The following ZNF43 variants were observed in gnomAD, a reference collection of about 807,000 sequenced individuals.
ZNF43 encodes zinc finger protein 39-like 1 (KOX 27).
ZNF43 carries 44 observed loss-of-function variants against 68.4 expected under a neutral mutation model. The ratio of observed to expected loss-of-function variants is 0.64; its 90% confidence interval spans 0.51 to 0.83. The LOEUF is 0.83. Ranked by LOEUF, ZNF43 falls within the 40% of genes least tolerant of loss-of-function variation. ZNF43 has a pLI of 0.00. For missense variants in ZNF43, 896 were observed against 933.2 expected (o/e 0.96, Z 0.52); for synonymous variants, 308 against 307.8 (o/e 1.00, Z -0.01).
chr19:21,851,875 C>A, intron 1 of ZNF43: 1 of 1,561,890 alleles, frequency 6.4e-7, no homozygotes. Context: ...CTGCTCTCCC[C>A]TCTCGGGATG....
Position 21,807,497 on chromosome 19 carries a change from C to G in ZNF43, c.*110G>C. The G allele has an allele frequency of 9.5e-7, 1 of 1,053,042 alleles. No individual in the cohort carries two copies. The highest frequency in any genetic ancestry group is 1.3e-6 in the Non-Finnish European group (1 of 762,192). The allele number at this position is 1,053,042 out of a possible 1,614,324, so 65.2% of individuals were successfully genotyped here. On this transcript the variant is annotated 3_prime_UTR_variant, in exon 4 of 4. Transcript: ENST00000354959. ...TAAAAGTTTTGCCACATTCTTCACA[C>G]TTGTAGAAGTTTACTCCAATGTAAA...
upstream of ZNF43, among the ~76,000 whole-genome samples, chr19:21,838,258 G>A (rs558155366): frequency 6.6e-6 from 1 of 152,152 alleles, no homozygotes; most frequent in East Asian, 1.9e-4. Flanking sequence ...CTTTTCTAGT[G>A]GCTTAGTAAT....
rs1599479172 is a variant in ZNF43, at chr19:21,820,570, T to A, written c.4-1349A>T. ...TATAGCCTGGGTGACAGAGAAAGACTCTGTCTCAAAAAAAAAAAGAAAGAA... is the reference window on the plus strand; with the variant it reads ...TATAGCCTGGGTGACAGAGAAAGACACTGTCTCAAAAAAAAAAAGAAAGAA... On this transcript the variant is annotated intron_variant, in intron 1 of 3. Transcript: ENST00000354959. 4.7e-5 allele frequency among the ~76,000 whole-genome samples: 7 copies of A among 148,246 alleles called. No individual in the cohort carries two copies. In the South Asian group the frequency reaches 1.5e-3, roughly 32 times the overall value.
At chr19:21,822,962 A>G (rs2037929544) in intron 1 of ZNF43, among the ~76,000 whole-genome samples, 1 of 152,202 alleles carries the variant, frequency 6.6e-6, no homozygotes. Flanking sequence ...ATATACCAAT[A>G]AGCAATTTAA....
In ZNF43 at chr19:21,809,281, A is replaced by G; in HGVS notation, c.756T>C (p.Tyr252=). The G allele has an allele frequency of 6.2e-7, 1 of 1,613,574 alleles. No homozygotes were observed. Among genetic ancestry groups the G allele is most frequent in the Non-Finnish European group, 8.5e-7 (1 of 1,179,840 alleles). Residue 252 remains tyrosine, a synonymous_variant, in exon 4 of 4, where the codon TAT becomes TAC. Transcript: ENST00000354959. ...CACATTTGTAGAGTTTGTATCTAGT[A>G]TAATTTTTTTTATGTGTAGTAAGGC... is the stretch of plus-strand genomic sequence containing the variant. ...SSRLTTHKKN[Y]TRYKLYKCEE...
chr19:21,836,019 C>G lies in ZNF43; in HGVS notation c.3+17G>C, dbSNP rs199508934. 63 of 1,613,884 alleles carry G rather than the reference C, an allele frequency of 3.9e-5. No individual in the cohort carries two copies. The East Asian group carries it at 1.4e-3, about 36-fold the overall frequency. ...CAGCCCCTTCCCCCTCTCGGGATGT[C>G]GGACCGGCACTCTCACCATTTCTAG... On this transcript the variant is annotated intron_variant, in intron 1 of 3. Coordinates refer to ENST00000354959, the MANE Select transcript of ZNF43 (RefSeq NM_003423.4).
intron 1 of ZNF43, among the ~76,000 whole-genome samples, chr19:21,844,819 C>A (rs1360623555): frequency 1.4e-5 from 2 of 144,232 alleles, no homozygotes; most frequent in Non-Finnish European, 3.0e-5. Flanking sequence ...ATGGCATGAA[C>A]CCAGCAGGTG....
At chr19:21,815,335 C>A (rs1208206134) in intron 3 of ZNF43, among the ~76,000 whole-genome samples, 2 of 151,752 alleles carry the variant, frequency 1.3e-5, no homozygotes, top group Non-Finnish European at 2.9e-5. Flanking sequence ...GCAGTATAAT[C>A]ATAAATACAA....
chr19:21,843,223 C>T (rs145298935), intron 1 of ZNF43: 30 of 234,762 alleles, frequency 1.3e-4, no homozygotes, highest in African/African-American at 6.8e-4. Context: ...ACATGATCTA[C>T]ATGCTGGGTC....
chr19:21,808,555 G>C lies in ZNF43; in HGVS notation c.1482C>G (p.Ser494=). 1 of 1,612,732 alleles carries C rather than the reference G, an allele frequency of 6.2e-7. No individual in the cohort carries two copies. Among genetic ancestry groups the C allele is most frequent in the Non-Finnish European group, 8.5e-7 (1 of 1,179,670 alleles). The change falls in exon 4 of 4, where the codon TCC becomes TCG. Residue 494 remains serine (S), a synonymous_variant. Transcript: ENST00000354959. ...TTTTCTTATGTTTAGTAAGGTTTGA[G>C]GACCGGCTAAAAGCTTTGCCACATT... The part of the protein sequence containing the change: ...CEECGKAFSR[S]SNLTKHKKIH...
At position 21,804,964 on chromosome 19, in the gene ZNF43, ATGTATGGACTTTAT is replaced by A. The variant is rs2036869928; in HGVS notation, c.*2629_*2642del. Reference sequence around the variant, plus strand: ...ACCAATGTTTATTCATGACTCAGGAATGTATGGACTTTATTTATACTTCTATATAATTTTTATAA... The same window carrying A: ...ACCAATGTTTATTCATGACTCAGGAATTATACTTCTATATAATTTTTATAA... On this transcript the variant is annotated 3_prime_UTR_variant, in exon 4 of 4. Coordinates refer to ENST00000354959, the MANE Select transcript of ZNF43 (RefSeq NM_003423.4). The A allele has an allele frequency of 2.0e-5, 3 of 152,310 alleles. No homozygotes were observed. In the South Asian group the frequency reaches 6.2e-4, roughly 32 times the overall value. 9.4% of individuals were successfully genotyped at this position (152,310 alleles called of 1,614,324 possible).
At chr19:21,816,257 C>T (rs1054728144) in intron 3 of ZNF43, among the ~76,000 whole-genome samples, 3 of 151,974 alleles carry the variant, frequency 2.0e-5, no homozygotes, top group Non-Finnish European at 2.9e-5. Context: ...GACAGCTACA[C>T]GGTACATTGA....
chr19:21,835,268 A>G (rs978887625), intron 1 of ZNF43, among the ~76,000 whole-genome samples: 5 of 148,800 alleles, frequency 3.4e-5, no homozygotes, highest in Non-Finnish European at 7.4e-5. Flanking sequence ...AAAAAAAAAG[A>G]AAAAAAAGAA....
intron 1 of ZNF43, among the ~76,000 whole-genome samples, chr19:21,832,839 G>A (rs1300033426): frequency 6.6e-6 from 1 of 152,042 alleles, no homozygotes; most frequent in African/African-American, 2.4e-5. Flanking sequence ...CACTCTAGTG[G>A]GGCAACAGAG....
rs1292497952 is a variant in ZNF43 at position 21,836,127 on chromosome 19, G to T, written c.-89C>A. 6.2e-7 allele frequency: 1 copy of T among 1,604,952 alleles called. No homozygotes were observed. The highest frequency in any genetic ancestry group is 2.2e-5 in the East Asian group (1 of 44,810). On this transcript the variant is annotated 5_prime_UTR_variant, in exon 1 of 4. In the 5' UTR this introduces an upstream ATG that the reference lacks. Transcript: ENST00000354959. ...AGCCACAGAGGCTGGACCTCTAGCAGCAGAGGACACAGAAGAACGAAGACG... is the reference window on the plus strand; with the variant it reads ...AGCCACAGAGGCTGGACCTCTAGCATCAGAGGACACAGAAGAACGAAGACG...
At chr19:21,830,932 G>C (rs2038396196) in intron 1 of ZNF43, among the ~76,000 whole-genome samples, 1 of 152,172 alleles carries the variant, frequency 6.6e-6, no homozygotes. Flanking sequence ...TCCCTGGGAT[G>C]CAAGGTTATT....
At position 21,808,861 on chromosome 19, in the gene ZNF43, A is replaced by G. The variant is rs61733114; in HGVS notation, c.1176T>C (p.His392=). The change falls in exon 4 of 4, where the codon CAT becomes CAC. Residue 392 remains histidine, a synonymous_variant. Transcript: ENST00000354959. ...CACATTTGTAGGGTTTCTTTTCAGTATGAATTTTCTTATGTTTAGTAAGGT... is the reference window on the plus strand; with the variant it reads ...CACATTTGTAGGGTTTCTTTTCAGTGTGAATTTTCTTATGTTTAGTAAGGT... ...SSNLTKHKKI[H]TEKKPYKCEE... is the part of the protein sequence containing the mutation. The G allele has an allele frequency of 6.6e-3, 10,664 of 1,611,804 alleles. 586 individuals are homozygous for G. In the African/African-American group the frequency reaches 0.12, roughly 18 times the overall value.
exon 1 of ZNF43, chr19:21,851,913 A>G: frequency 1.3e-6 from 2 of 1,580,260 alleles, no homozygotes; most frequent in East Asian, 4.6e-5. Flanking sequence ...ACCATTTCCC[A>G]GCTTCCAGGA....
chr19:21,819,345 G>T, intron 1 of ZNF43, 124 bp from the exon 2 acceptor site: 1 of 1,053,310 alleles, frequency 9.5e-7, no homozygotes, highest in South Asian at 2.4e-5. Flanking sequence ...TTATAGAAGA[G>T]ACTGAAATTA....
Sources: allele counts gnomAD v4.1 joint callset (sites outside exome capture counted in the v4.1 genomes callset), GRCh38; gene constraint gnomAD v4.1.1; transcripts MANE v1.5; gene names NCBI Gene and HGNC (gene_info 2026-07-23, HGNC 2026-07-21).